The following UBAP2 variants were observed in gnomAD, a reference collection of about 807,000 sequenced individuals.
UBAP2 encodes the protein ubiquitin-associated protein 2.
Under a neutral mutation model 139.6 loss-of-function variants are expected in UBAP2, and 75 were observed. The observed-to-expected ratio is 0.54, with a 90% CI of 0.45 to 0.65. The LOEUF (loss-of-function observed/expected upper bound fraction) is 0.65. Ranked by LOEUF, UBAP2 falls within the 30% of genes least tolerant of loss-of-function variation. The pLI is 0.00. For missense variants in UBAP2, 1,368 were observed against 1,369.6 expected (o/e 1.00, Z 0.02); for synonymous variants, 526 against 526.2 (o/e 1.00, Z 0.01).
At chr9:33,976,714 A>C (rs988983736) in intron 6 of UBAP2, among the ~76,000 whole-genome samples, 22 of 152,170 alleles carry the variant, frequency 1.4e-4, no homozygotes, top group Non-Finnish European at 3.2e-4. Context: ...TTTCTTTCTT[A>C]GGCTGGGAGC....
At chr9:33,979,992 G>C (rs1300434234) in intron 6 of UBAP2, among the ~76,000 whole-genome samples, 1 of 151,806 alleles carries the variant, frequency 6.6e-6, no homozygotes, top group Non-Finnish European at 1.5e-5. Context: ...AGAATTGCTT[G>C]AACCTGGGAG....
At chr9:33,996,039 T>C in intron 4 of UBAP2, 184 bp downstream of exon 4, 4 of 519,104 alleles carry the variant, frequency 7.7e-6, no homozygotes, top group Middle Eastern at 3.8e-4. Context: ...ATTCTACGAC[T>C]TCATGAAGAA....
intron 1 of UBAP2, among the ~76,000 whole-genome samples, chr9:34,023,600 G>A (rs549081581): frequency 2.6e-5 from 4 of 152,156 alleles, no homozygotes; most frequent in Admixed American, 6.5e-5. Flanking sequence ...ATAATGACCC[G>A]GTTGCATGGC....
intron 1 of UBAP2, among the ~76,000 whole-genome samples, chr9:34,034,511 A>C (rs113457187): frequency 6.6e-5 from 10 of 152,200 alleles, no homozygotes; most frequent in African/African-American, 2.4e-4. Flanking sequence ...TTTTAATCCA[A>C]ATACAAAATT....
chr9:33,977,074 T>C (rs1820196923), intron 6 of UBAP2, among the ~76,000 whole-genome samples: 2 of 146,790 alleles, frequency 1.4e-5, no homozygotes, highest in African/African-American at 2.5e-5. Context: ...AGTCTCACCC[T>C]GTAGCCCAGG....
At chr9:33,962,547 G>A (rs999001282) in intron 9 of UBAP2, among the ~76,000 whole-genome samples, 7 of 152,064 alleles carry the variant, frequency 4.6e-5, no homozygotes, top group African/African-American at 7.2e-5. Flanking sequence ...TGAGGAGGCT[G>A]AGGCAGGAGA....
intron 6 of UBAP2, among the ~76,000 whole-genome samples, chr9:33,978,609 T>A (rs1332081588): frequency 6.6e-6 from 1 of 151,774 alleles, no homozygotes; most frequent in Non-Finnish European, 1.5e-5. Flanking sequence ...TGAAACCCCA[T>A]CTCTACTAAA....
At chr9:34,043,563 A>C (rs1317430502) in intron 1 of UBAP2, among the ~76,000 whole-genome samples, 5 of 152,130 alleles carry the variant, frequency 3.3e-5, no homozygotes, top group African/African-American at 1.2e-4. Flanking sequence ...GCTGGAGTGC[A>C]ATGGCACAAT....
intron 2 of UBAP2, among the ~76,000 whole-genome samples, chr9:34,015,438 G>A (rs1374048369): frequency 6.6e-6 from 1 of 151,958 alleles, no homozygotes; most frequent in African/African-American, 2.4e-5. Context: ...CCCTGCCTCA[G>A]CCTCCCGACT....
chr9:33,942,145 C>G (rs1825277846), intron 15 of UBAP2, among the ~76,000 whole-genome samples: 1 of 151,890 alleles, frequency 6.6e-6, no homozygotes, highest in African/African-American at 2.4e-5. Flanking sequence ...AACCCCGTCT[C>G]TACTAAAAAT....
chr9:33,978,188 G>A (rs1288320045), intron 6 of UBAP2, among the ~76,000 whole-genome samples: 4 of 151,152 alleles, frequency 2.6e-5, no homozygotes, highest in Admixed American at 2.0e-4. Context: ...TAAATGCTAT[G>A]TGGAACAAGG....
chr9:33,970,685 G>A (rs1827850977), intron 8 of UBAP2, among the ~76,000 whole-genome samples: 1 of 152,082 alleles, frequency 6.6e-6, no homozygotes, highest in Admixed American at 6.6e-5. Flanking sequence ...TCCCGCCTTG[G>A]CCACCTAAAT....
intron 10 of UBAP2, among the ~76,000 whole-genome samples, chr9:33,958,816 C>T (rs1191094527): frequency 6.7e-6 from 1 of 149,224 alleles, no homozygotes; most frequent in Non-Finnish European, 1.5e-5. Flanking sequence ...GAGTTTGGGG[C>T]TGGAGTGAGC....
intron 21 of UBAP2, 94 bp downstream of exon 21, chr9:33,926,895 G>T: frequency 7.7e-7 from 1 of 1,304,762 alleles, no homozygotes; most frequent in Non-Finnish European, 1.1e-6. Flanking sequence ...GCAGCTCAAG[G>T]TGGGCAACCT....
At chr9:34,029,617 C>T (rs1450834230) in intron 1 of UBAP2, among the ~76,000 whole-genome samples, 2 of 151,832 alleles carry the variant, frequency 1.3e-5, no homozygotes, top group Non-Finnish European at 2.9e-5. Flanking sequence ...GGGAGGACCA[C>T]TTGGGCTCAG....
intron 1 of UBAP2, among the ~76,000 whole-genome samples, chr9:34,020,898 G>A (rs555836432): frequency 7.9e-5 from 12 of 151,878 alleles, no homozygotes; most frequent in Non-Finnish European, 1.6e-4. Context: ...TCCTGACCTC[G>A]TGATCCACCC....
intron 17 of UBAP2, among the ~76,000 whole-genome samples, chr9:33,934,776 C>T (rs1193048175): frequency 6.6e-6 from 1 of 152,126 alleles, no homozygotes; most frequent in African/African-American, 2.4e-5. Flanking sequence ...CTTTAGTTCT[C>T]GACCCATGCC....
intron 22 of UBAP2, among the ~76,000 whole-genome samples, chr9:33,924,933 T>G (rs951592624): frequency 6.6e-6 from 1 of 152,234 alleles, no homozygotes; most frequent in Non-Finnish European, 1.5e-5. Flanking sequence ...ATCTTTAATG[T>G]TAGTGTATTT....
intron 16 of UBAP2, among the ~76,000 whole-genome samples, chr9:33,941,377 A>G (rs1825184395): frequency 6.6e-6 from 1 of 152,192 alleles, no homozygotes; most frequent in Admixed American, 6.5e-5. Flanking sequence ...CAGACAATGT[A>G]GAAGTACCCA....
Sources: gnomAD v4.1 joint callset for allele counts (sites outside exome capture counted in the v4.1 genomes callset) on GRCh38, gnomAD v4.1.1 for gene constraint, MANE v1.5 for transcripts, NCBI Gene and HGNC (gene_info 2026-07-23, HGNC 2026-07-21) for gene names.